The following SULT1B1 variants were observed in gnomAD, a reference collection of about 807,000 sequenced individuals.
The protein encoded by SULT1B1 is sulfotransferase family 1B member 1.
Under a neutral mutation model 34.6 loss-of-function variants are expected in SULT1B1, and 28 were observed. The ratio of observed to expected loss-of-function variants is 0.81; its 90% confidence interval spans 0.60 to 1.11. The LOEUF is 1.11. SULT1B1 is among the 50% of genes least tolerant of loss of function. SULT1B1 has a pLI of 0.00. For synonymous variants in SULT1B1, 147 were observed against 110.2 expected (o/e 1.33, Z -2.09); for missense variants, 374 against 352.2 (o/e 1.06, Z -0.50).
chr4:69,743,266 G>A (rs970267185), intron 4 of SULT1B1, among the ~76,000 whole-genome samples: 1 of 152,166 alleles, frequency 6.6e-6, no homozygotes, highest in African/African-American at 2.4e-5. Flanking sequence ...TATTGAGCAT[G>A]GTAGTCAGGG....
chr4:69,737,458 A>G (rs1020445525), intron 4 of SULT1B1, among the ~76,000 whole-genome samples: 4 of 152,186 alleles, frequency 2.6e-5, no homozygotes, highest in Admixed American at 6.5e-5. Flanking sequence ...CTAATCACTC[A>G]CCCAATGCAT....
chr4:69,739,908 C>G (rs754317936), intron 4 of SULT1B1, among the ~76,000 whole-genome samples: 2 of 152,182 alleles, frequency 1.3e-5, no homozygotes, highest in African/African-American at 2.4e-5. Context: ...TACTCCAGTT[C>G]CCAACAAGTT....
rs773415719 is a variant in SULT1B1, at chr4:69,733,441, A to T, written c.569T>A (p.Leu190His). 48 of 1,607,508 alleles carry T rather than the reference A, an allele frequency of 3.0e-5. No homozygotes were observed. Among genetic ancestry groups the T allele is most frequent in the Non-Finnish European group, 3.7e-5 (44 of 1,177,608 alleles). The part of the protein sequence containing the change: ...WWKKKEEHPI[L>H]FLYYEDMKEN... Reference sequence around the variant, plus strand: ...TTTCATATCTTCATAGTACAAAAAAAGTATTGGGTGTTCTTCCTTTTTCTT... The same window carrying T: ...TTTCATATCTTCATAGTACAAAAAATGTATTGGGTGTTCTTCCTTTTTCTT... The change falls in exon 6 of 8, where the codon CTT becomes CAT. Residue 190 changes from leucine (L) to histidine (H), a missense_variant. Leu to His is a moderately conservative substitution (Grantham distance 99, BLOSUM62 -3). Transcript: ENST00000310613.
intron 1 of SULT1B1, among the ~76,000 whole-genome samples, chr4:69,757,682 T>C (rs752243802): frequency 2.0e-5 from 3 of 152,216 alleles, no homozygotes; most frequent in Non-Finnish European, 4.4e-5. Context: ...TTTTTATATG[T>C]TATCATTCAT....
chr4:69,733,648 A>G, intron 5 of SULT1B1, 141 bp from the exon 6 acceptor site: 1 of 596,138 alleles, frequency 1.7e-6, no homozygotes, highest in Non-Finnish European at 2.7e-6. Flanking sequence ...AAAAAGTAAA[A>G]TTAGCTATTT....
chr4:69,758,983 A>G (rs947929754), intron 1 of SULT1B1, among the ~76,000 whole-genome samples: 1 of 152,222 alleles, frequency 6.6e-6, no homozygotes. Context: ...ACATTTTAGT[A>G]AGATCCTCAA....
Position 69,730,691 on chromosome 4 carries a change from G to T in SULT1B1, c.598-10C>A, listed in dbSNP as rs771007173. ...TTTCCTCCTTTGGATTCTATTAGTG[G>T]GTAAAACCCAAGACAATAAACAAGT... is the stretch of plus-strand genomic sequence containing the variant. On this transcript the variant is annotated splice_polypyrimidine_tract_variant and intron_variant, in intron 6 of 7. Transcript: ENST00000310613. 1 of 1,605,958 alleles carries T rather than the reference G, an allele frequency of 6.2e-7. No homozygotes were observed. The highest frequency in any genetic ancestry group is 8.5e-7 in the Non-Finnish European group (1 of 1,176,900).
intron 1 of SULT1B1, 105 bp from the exon 2 acceptor site, chr4:69,755,366 C>T (rs1437925525): frequency 6.3e-6 from 5 of 792,114 alleles, no homozygotes; most frequent in Non-Finnish European, 9.8e-6. Flanking sequence ...ATTCTGCGCA[C>T]ATGGAGATCT....
At chr4:69,740,023 T>C (rs1718479610) in intron 4 of SULT1B1, among the ~76,000 whole-genome samples, 1 of 152,222 alleles carries the variant, frequency 6.6e-6, no homozygotes, top group South Asian at 2.1e-4. Context: ...TTCCAAACTT[T>C]TCCACATCTT....
chr4:69,755,225 C>A lies in SULT1B1; in HGVS notation c.-8G>T. 6.2e-7 allele frequency: 1 copy of A among 1,611,880 alleles called. No individual in the cohort carries two copies. Among genetic ancestry groups the A allele is most frequent in the Non-Finnish European group, 8.5e-7 (1 of 1,178,122 alleles). On this transcript the variant is annotated 5_prime_UTR_variant, in exon 2 of 8. Coordinates refer to ENST00000310613, the MANE Select transcript of SULT1B1 (RefSeq NM_014465.4). ...ATCTTTTGGGGAAAGCATTTTAATA[C>A]CAGATTGTACAAATATATAATAGAT...
intron 4 of SULT1B1, among the ~76,000 whole-genome samples, chr4:69,744,213 C>T (rs886843504): frequency 2.6e-5 from 4 of 152,216 alleles, no homozygotes; most frequent in Admixed American, 1.3e-4. Context: ...AGGGTGATAC[C>T]AGGGCAGCAG....
chr4:69,738,378 T>C (rs1282109353), intron 4 of SULT1B1, among the ~76,000 whole-genome samples: 1 of 152,168 alleles, frequency 6.6e-6, no homozygotes, highest in Non-Finnish European at 1.5e-5. Flanking sequence ...TGGAGAAGCC[T>C]CAGGAAACTT....
chr4:69,748,743 A>G (rs1489382836), intron 4 of SULT1B1, among the ~76,000 whole-genome samples: 1 of 152,190 alleles, frequency 6.6e-6, no homozygotes, highest in African/African-American at 2.4e-5. Flanking sequence ...AAGTTAAATC[A>G]TACACTTCAA....
intron 4 of SULT1B1, 138 bp downstream of exon 4, chr4:69,749,583 G>A (rs1304112271): frequency 2.4e-5 from 12 of 508,200 alleles, no homozygotes; most frequent in Middle Eastern, 3.9e-4. Context: ...GAAGATTTAC[G>A]TACAACGTGA....
At chr4:69,757,966 T>A (rs1719254737) in intron 1 of SULT1B1, among the ~76,000 whole-genome samples, 2 of 152,190 alleles carry the variant, frequency 1.3e-5, no homozygotes, top group Admixed American at 6.5e-5. Flanking sequence ...AGGATGCCAA[T>A]GACAGCTGAG....
chr4:69,751,646 G>A (rs978655926), intron 3 of SULT1B1, among the ~76,000 whole-genome samples: 2 of 152,192 alleles, frequency 1.3e-5, no homozygotes, highest in East Asian at 3.9e-4. Flanking sequence ...TAGAGACGGG[G>A]TTTCACCGTG....
chr4:69,753,672 A>G (rs553865747), intron 3 of SULT1B1, among the ~76,000 whole-genome samples: 27 of 152,280 alleles, frequency 1.8e-4, no homozygotes, highest in African/African-American at 6.0e-4. Context: ...TTTAATCTCA[A>G]TTTGGAGTAG....
chr4:69,755,349 CT>C, intron 1 of SULT1B1, 88 bp from the exon 2 acceptor site: 2 of 1,002,146 alleles, frequency 2.0e-6, no homozygotes, highest in East Asian at 2.6e-5. Flanking sequence ...TAAAATTGGC[CT>C]TTAACATTCT....
Position 69,725,067 on chromosome 4 carries a change from C to A in SULT1B1, c.*2021G>T, listed in dbSNP as rs1717786295. On this transcript the variant is annotated 3_prime_UTR_variant, in exon 8 of 8. Transcript: ENST00000310613. Reference sequence around the variant, plus strand: ...GCTTCTGCACAGCAAAAGAAACTACCATCAGCGTGAACAGGCAACCTACAG... The same window carrying A: ...GCTTCTGCACAGCAAAAGAAACTACAATCAGCGTGAACAGGCAACCTACAG... 6.8e-6 allele frequency: 1 copy of A among 147,162 alleles called. No homozygotes were observed. The highest frequency in any genetic ancestry group is 2.7e-5 in the African/African-American group (1 of 36,722). The allele number at this position is 147,162 out of a possible 1,614,324, so 9.1% of individuals were successfully genotyped here. A position where few individuals can be genotyped will look rare whatever the true frequency, so the allele number is the denominator to read the frequency against.
Sources: gnomAD v4.1 joint callset for allele counts (sites outside exome capture counted in the v4.1 genomes callset) on GRCh38, gnomAD v4.1.1 for gene constraint, MANE v1.5 for transcripts, NCBI Gene and HGNC (gene_info 2026-07-23, HGNC 2026-07-21) for gene names.